The following FAM53A variants were observed in gnomAD, a reference collection of about 807,000 sequenced individuals.
The protein encoded by FAM53A is protein FAM53A.
FAM53A carries 28 observed loss-of-function variants against 26.6 expected under a neutral mutation model. The observed-to-expected ratio is 1.05, with a 90% CI of 0.78 to 1.45. FAM53A has a LOEUF of 1.45. FAM53A is among the 40% of genes most tolerant of loss of function. The pLI is 0.00. For missense variants in FAM53A, 650 were observed against 575.8 expected (o/e 1.13, Z -1.32); for synonymous variants, 290 against 253.1 (o/e 1.15, Z -1.38).
chr4:1,595,548 A>G, the FAM53A span, among the ~76,000 whole-genome samples: 2 of 152,154 alleles, frequency 1.3e-5, no homozygotes. Flanking sequence ...GAGCCCTGGG[A>G]AGTCACCACT....
At chr4:1,612,010 C>T in the FAM53A span, among the ~76,000 whole-genome samples, 7 of 152,166 alleles carry the variant, frequency 4.6e-5, no homozygotes, top group African/African-American at 7.2e-5. Context: ...AGAAATCTCC[C>T]GGAAAATTTA....
rs185216988 is a variant in FAM53A at position 1,682,643 on chromosome 4, C to G, written c.-165+1590G>C. Reference sequence around the variant, plus strand: ...CCTGTTTTCTTAGTTCTTTTATCTACCAGCTAAAAATGTGTACTCTCTCGG... The same window carrying G: ...CCTGTTTTCTTAGTTCTTTTATCTAGCAGCTAAAAATGTGTACTCTCTCGG... On this transcript the variant is annotated intron_variant, in intron 1 of 4. Coordinates refer to ENST00000308132, the MANE Select transcript of FAM53A (RefSeq NM_001174070.3). Among the ~76,000 whole-genome samples the G allele has an allele frequency of 2.0e-3, 309 of 152,212 alleles. 3 individuals carry two copies. The highest frequency in any genetic ancestry group is 7.2e-3 in the African/African-American group (300 of 41,524).
At chr4:1,578,004 G>A in the FAM53A span, among the ~76,000 whole-genome samples, 3 of 152,114 alleles carry the variant, frequency 2.0e-5, no homozygotes, top group Non-Finnish European at 4.4e-5. Context: ...CCTTGACCTG[G>A]CTGCCCTTGC....
At chr4:1,620,624 C>T (rs892726724) in intron 1 of FAM53A, among the ~76,000 whole-genome samples, 7 of 151,710 alleles carry the variant, frequency 4.6e-5, no homozygotes, top group East Asian at 1.9e-4. Context: ...GCTGAGACTG[C>T]GCCACTGCAT....
downstream of FAM53A, among the ~76,000 whole-genome samples, chr4:1,639,248 T>C (rs73795189): frequency 0.065 from 9,857 of 152,158 alleles, 891 homozygotes; most frequent in African/African-American, 0.2. Context: ...CCCTGCCCTG[T>C]ACTAAGTCAT....
chr4:1,596,789 G>A, the FAM53A span, among the ~76,000 whole-genome samples: 1 of 152,164 alleles, frequency 6.6e-6, no homozygotes, highest in African/African-American at 2.4e-5. Context: ...GAGAGAGAGA[G>A]ACAGAGACAG....
intron 1 of FAM53A, among the ~76,000 whole-genome samples, chr4:1,633,058 GCACA>G (rs945456193): frequency 6.7e-6 from 1 of 149,826 alleles, no homozygotes; most frequent in Non-Finnish European, 1.5e-5. Flanking sequence ...ATGCTCATGC[GCACA>G]CACATAGGTA....
At chr4:1,605,178 C>T in the FAM53A span, among the ~76,000 whole-genome samples, 1 of 152,198 alleles carries the variant, frequency 6.6e-6, no homozygotes, top group South Asian at 2.1e-4. The surrounding 1 kb of genome is among the most constrained non-coding windows in gnomAD (Gnocchi z 5.7). Context: ...CCTCCAGGCC[C>T]AGAATTCAGA....
upstream of FAM53A, among the ~76,000 whole-genome samples, chr4:1,685,327 C>T (rs1182585931): frequency 2.6e-5 from 4 of 152,088 alleles, no homozygotes; most frequent in Admixed American, 6.5e-5. Flanking sequence ...CCATGTGCGT[C>T]CCCTGAGGGT....
chr4:1,649,123 A>AGGAAGG (rs1193453499), intron 4 of FAM53A, among the ~76,000 whole-genome samples: 1 of 111,694 alleles, frequency 9.0e-6, no homozygotes, highest in Non-Finnish European at 1.8e-5. Context: ...GAAAGGGAAG[A>AGGAAGG]GGAAGGGGAA....
intron 1 of FAM53A, among the ~76,000 whole-genome samples, chr4:1,620,350 G>A (rs887285387): frequency 1.3e-5 from 2 of 152,120 alleles, no homozygotes; most frequent in South Asian, 2.1e-4. Context: ...TCCCACAGAA[G>A]CACCTGAGCT....
intron 2 of FAM53A, among the ~76,000 whole-genome samples, chr4:1,667,035 G>A (rs965404588): frequency 3.3e-5 from 5 of 152,118 alleles, no homozygotes; most frequent in Non-Finnish European, 5.9e-5. Flanking sequence ...GGCTGAGGCG[G>A]GAGAATTGCT....
At chr4:1,638,950 A>G (rs1028228016), downstream of FAM53A, among the ~76,000 whole-genome samples, 1 of 152,204 alleles carries the variant, frequency 6.6e-6, no homozygotes, top group Non-Finnish European at 1.5e-5. Context: ...CTCAGCGTAG[A>G]GAGTGACTGC....
In FAM53A at chr4:1,623,757, C is replaced by T. The variant is rs529506423; in HGVS notation, c.432-5646G>A. Among the ~76,000 whole-genome samples the T allele has an allele frequency of 3.9e-5, 6 of 152,366 alleles. No homozygotes were observed. The South Asian group carries it at 6.2e-4, about 16-fold the overall frequency. On this transcript the variant is annotated intron_variant, in intron 1 of 1. Coordinates refer to the FAM53A transcript ENST00000489029. ...CGGATCGGACGTTACCATACATTCC[C>T]GGGGCGTCGGACAGGGCTGCTAATG...
At chr4:1,624,888 C>T (rs1486008694) in intron 1 of FAM53A, among the ~76,000 whole-genome samples, 3 of 151,670 alleles carry the variant, frequency 2.0e-5, no homozygotes, top group East Asian at 1.9e-4. Flanking sequence ...TCAGGGGTCA[C>T]ACCAGGTGAT....
At chr4:1,579,134 C>T in the FAM53A span, among the ~76,000 whole-genome samples, 1 of 151,520 alleles carries the variant, frequency 6.6e-6, no homozygotes, top group African/African-American at 2.4e-5. Flanking sequence ...CCGACCAGCC[C>T]GGAGGCGGCT....
Position 1,640,631 on chromosome 4 carries a change from C to A in FAM53A, c.*662G>T. The A allele has an allele frequency of 2.6e-6, 1 of 378,222 alleles. No homozygotes were observed. The highest frequency in any genetic ancestry group is 4.9e-6 in the Non-Finnish European group (1 of 202,208). The allele number at this position is 378,222 out of a possible 1,614,324, so 23.4% of individuals were successfully genotyped here. A position where few individuals can be genotyped will look rare whatever the true frequency, so the allele number is the denominator to read the frequency against. On this transcript the variant is annotated 3_prime_UTR_variant, in exon 5 of 5. Coordinates refer to ENST00000308132, the MANE Select transcript of FAM53A (RefSeq NM_001174070.3). ...GCAACACGAAACCTACTCTGTGCCCCAGGGCAGGTGCCGGCAGCAGCCATG... is the reference window on the plus strand; with the variant it reads ...GCAACACGAAACCTACTCTGTGCCCAAGGGCAGGTGCCGGCAGCAGCCATG...
At chr4:1,618,070 A>G (rs1187835068) in exon 2 of FAM53A, 1 of 456,362 alleles carries the variant, frequency 2.2e-6, no homozygotes, top group Non-Finnish European at 4.4e-6. Flanking sequence ...GGGCCGTGCT[A>G]TGTCATGGCA....
At chr4:1,593,763 C>T in the FAM53A span, among the ~76,000 whole-genome samples, 1 of 152,032 alleles carries the variant, frequency 6.6e-6, no homozygotes, top group Non-Finnish European at 1.5e-5. Context: ...TTCACTTGTC[C>T]CTCTGCCCTG....
Sources: allele counts gnomAD v4.1 joint callset (sites outside exome capture counted in the v4.1 genomes callset), GRCh38; gene constraint gnomAD v4.1.1; non-coding constraint Gnocchi (gnomAD v3.1); transcripts MANE v1.5; gene names NCBI Gene and HGNC (gene_info 2026-07-23, HGNC 2026-07-21).